The following NLRP13 variants were observed in gnomAD, a reference collection of about 807,000 sequenced individuals.
NLRP13 encodes NACHT, LRR and PYD domains-containing protein 13.
Under a neutral mutation model 94.4 loss-of-function variants are expected in NLRP13, and 82 were observed. The observed-to-expected ratio is 0.87, with a 90% CI of 0.73 to 1.04. NLRP13 has a LOEUF of 1.04. Ranked by LOEUF, NLRP13 falls within the 50% of genes least tolerant of loss-of-function variation. The pLI, the probability that NLRP13 is intolerant of heterozygous loss-of-function variation, is 0.00. For synonymous variants in NLRP13, 553 were observed against 464.7 expected (o/e 1.19, Z -2.45); for missense variants, 1,426 against 1,230.8 (o/e 1.16, Z -2.37).
downstream of NLRP13, chr19:55,891,787 A>T: frequency 3.1e-6 from 1 of 317,622 alleles, no homozygotes; most frequent in Non-Finnish European, 5.7e-6. Context: ...AGGCACAGCC[A>T]ACTTATGATC....
chr19:55,901,563 AAG>A (rs1276008702), intron 9 of NLRP13, among the ~76,000 whole-genome samples: 5 of 152,188 alleles, frequency 3.3e-5, no homozygotes, highest in African/African-American at 1.2e-4. Flanking sequence ...GGCAGAAAGA[AAG>A]AGAAGGAAAG....
intron 4 of NLRP13, among the ~76,000 whole-genome samples, chr19:55,917,254 A>G (rs1369315428): frequency 6.6e-6 from 1 of 152,140 alleles, no homozygotes; most frequent in Non-Finnish European, 1.5e-5. Flanking sequence ...GATACTTGCC[A>G]TCACAAAAAC....
At chr19:55,904,654 G>GT (rs773281613) in intron 8 of NLRP13, among the ~76,000 whole-genome samples, 14 of 152,074 alleles carry the variant, frequency 9.2e-5, no homozygotes, top group Non-Finnish European at 1.6e-4. Context: ...CCCCAGCCTT[G>GT]AGGCCTTGTT....
At chr19:55,910,872 G>A (rs1001988819) in intron 5 of NLRP13, 139 bp from the exon 6 acceptor site, 13 of 655,398 alleles carry the variant, frequency 2.0e-5, no homozygotes, top group Non-Finnish European at 2.7e-5. Context: ...AGTGGCTCAC[G>A]CCTGTAATCC....
intron 7 of NLRP13, among the ~76,000 whole-genome samples, chr19:55,906,171 G>A (rs1038709922): frequency 9.9e-5 from 15 of 151,782 alleles, no homozygotes; most frequent in Non-Finnish European, 8.8e-5. Context: ...AACCCCATCT[G>A]TACTAAAATT....
intron 7 of NLRP13, among the ~76,000 whole-genome samples, chr19:55,907,149 G>A (rs567426044): frequency 1.1e-4 from 17 of 151,948 alleles, no homozygotes; most frequent in Admixed American, 4.6e-4. Context: ...TAGTAGAGAC[G>A]GGGTTTCACC....
Position 55,923,966 on chromosome 19 carries a change from G to A in NLRP13, c.471C>T (p.Ala157=), listed in dbSNP as rs766218061. 8.1e-6 allele frequency: 13 copies of A among 1,613,430 alleles called. No homozygotes were observed. The highest frequency in any genetic ancestry group is 1.1e-5 in the Non-Finnish European group (13 of 1,179,624). The change falls in exon 4 of 11, where the codon GCC becomes GCT. Residue 157 remains alanine, a synonymous_variant. Coordinates refer to ENST00000342929, the MANE Select transcript of NLRP13 (RefSeq NM_176810.2). ...ELEEETGNVQ[A]QGCQDPNQEE... is the part of the protein sequence containing the mutation. ...CTTGGTTTGGATCTTGGCATCCCTG[G>A]GCCTGTACATTCCCTGAAATAAACA...
At position 55,912,305 on chromosome 19, in the gene NLRP13, C is replaced by T; in HGVS notation, c.1512G>A (p.Glu504=). Residue 504 remains glutamate, a synonymous_variant, in exon 5 of 11, where the codon GAG becomes GAA. Coordinates refer to ENST00000342929, the MANE Select transcript of NLRP13 (RefSeq NM_176810.2). Reference sequence around the variant, plus strand: ...TGAAAGGCACTTCCAGGCCCTCGATCTCAGTGTCTTCTTTGTTAAACGTGA... The same window carrying T: ...TGAAAGGCACTTCCAGGCCCTCGATTTCAGTGTCTTCTTTGTTAAACGTGA... ...MNFTFNKEDT[E]IEGLEVPFID... is the part of the protein sequence containing the mutation. The T allele has an allele frequency of 6.2e-7, 1 of 1,614,126 alleles. No homozygotes were observed. The highest frequency in any genetic ancestry group is 2.2e-5 in the East Asian group (1 of 44,876).
chr19:55,923,714 G>A (rs992605627), intron 4 of NLRP13, among the ~76,000 whole-genome samples, 200 bp downstream of exon 4: 5 of 152,106 alleles, frequency 3.3e-5, no homozygotes, highest in South Asian at 2.1e-4. Context: ...TTTTTCATTC[G>A]TTGTTCGGCC....
At chr19:55,898,708 A>G (rs1182372019) in intron 10 of NLRP13, 62 bp downstream of exon 10, 2 of 1,483,680 alleles carry the variant, frequency 1.3e-6, no homozygotes, top group Non-Finnish European at 1.8e-6. Flanking sequence ...GGATCCGATC[A>G]TATCTCCCCA....
At position 55,907,899 on chromosome 19, in the gene NLRP13, A is replaced by T; in HGVS notation, c.2340T>A (p.Gly780=). ...VLQDLIIALQ[G]NSKLTHLNFS... is the part of the protein sequence containing the mutation. ...AGTTCAGATGGGTCAGCTTGCTGTT[A>T]CCCTGAAGGGCAATAATGAGGTCCT... Residue 780 remains glycine, a synonymous_variant, in exon 7 of 11, where the codon GGT becomes GGA. Coordinates refer to ENST00000342929, the MANE Select transcript of NLRP13 (RefSeq NM_176810.2). 2.5e-6 allele frequency: 4 copies of T among 1,613,410 alleles called. No individual in the cohort carries two copies. The highest frequency in any genetic ancestry group is 3.4e-6 in the Non-Finnish European group (4 of 1,179,646).
chr19:55,913,319 A>G, intron 4 of NLRP13, 26 bp from the exon 5 acceptor site: 1 of 1,592,870 alleles, frequency 6.3e-7, no homozygotes, highest in South Asian at 1.1e-5. Flanking sequence ...TGGGGAGAAG[A>G]ATGGTAAGAA....
intron 1 of NLRP13, among the ~76,000 whole-genome samples, chr19:55,927,735 G>A (rs763543298): frequency 6.6e-6 from 1 of 152,156 alleles, no homozygotes; most frequent in Non-Finnish European, 1.5e-5. Flanking sequence ...TGCCTTCTAA[G>A]CATTTCACTC....
intron 1 of NLRP13, among the ~76,000 whole-genome samples, chr19:55,927,800 G>A (rs961721050): frequency 1.5e-4 from 23 of 152,158 alleles, no homozygotes; most frequent in African/African-American, 5.6e-4. Context: ...TTGTGGCCCC[G>A]TGGTAAAAAT....
chr19:55,912,123 T>C lies in NLRP13; in HGVS notation c.1694A>G (p.Glu565Gly), dbSNP rs1368454343. ...GACGTGTTGCAGTAACATCTTCATC[T>C]CTTGTGGCTTTGTGGAATGGGGAGG... ...EFPPHSTKPQEMKMLLQHVLL... is the reference protein window; with the variant it reads ...EFPPHSTKPQGMKMLLQHVLL... Residue 565 changes from glutamate (E) to glycine (G), a missense_variant, in exon 5 of 11, where the codon GAG becomes GGG. Glu to Gly is a moderately conservative substitution (Grantham distance 98). Coordinates refer to ENST00000342929, the MANE Select transcript of NLRP13 (RefSeq NM_176810.2). The C allele has an allele frequency of 6.2e-7, 1 of 1,614,190 alleles. No individual in the cohort carries two copies. Among genetic ancestry groups the C allele is most frequent in the Admixed American group, 1.7e-5 (1 of 60,028 alleles).
Position 55,912,203 on chromosome 19 carries a change from A to T in NLRP13, c.1614T>A (p.Ser538Arg), listed in dbSNP as rs1230857041. ...CGGCTTFTHLSFQEFFAAMSF... is the reference protein window; with the variant it reads ...CGGCTTFTHLRFQEFFAAMSF... ...ACATGGCTGCAAAAAACTCCTGGAAACTTAGGTGGGTGAAAGTAGTGCAAC... is the reference window on the plus strand; with the variant it reads ...ACATGGCTGCAAAAAACTCCTGGAATCTTAGGTGGGTGAAAGTAGTGCAAC... Residue 538 changes from serine to arginine, a missense_variant, in exon 5 of 11, where the codon AGT becomes AGA. By Grantham distance (110) the Ser-to-Arg change is moderately radical (BLOSUM62 -1). Coordinates refer to ENST00000342929, the MANE Select transcript of NLRP13 (RefSeq NM_176810.2). The T allele has an allele frequency of 1.9e-5, 30 of 1,614,048 alleles. No homozygotes were observed. The highest frequency in any genetic ancestry group is 2.5e-5 in the Non-Finnish European group (30 of 1,180,030).
intron 1 of NLRP13, among the ~76,000 whole-genome samples, chr19:55,927,936 T>A (rs402346): frequency 6.6e-6 from 1 of 151,954 alleles, no homozygotes; most frequent in South Asian, 2.1e-4. Flanking sequence ...GTATACACAG[T>A]TGTGTCCGCA....
chr19:55,905,147 C>A, intron 7 of NLRP13, 35 bp from the exon 8 acceptor site: 1 of 1,609,940 alleles, frequency 6.2e-7, no homozygotes, highest in Non-Finnish European at 8.5e-7. Context: ...GAGCCTCAGC[C>A]ATGATGCCCA....
At chr19:55,927,456 T>TA (rs10707874) in intron 1 of NLRP13, among the ~76,000 whole-genome samples, 239 of 144,880 alleles carry the variant, frequency 1.6e-3, no homozygotes, top group Middle Eastern at 0.011. Flanking sequence ...TCTAATTCCT[T>TA]AAAAAAAAAA....
Sources: gnomAD v4.1 joint callset for allele counts (sites outside exome capture counted in the v4.1 genomes callset) on GRCh38, gnomAD v4.1.1 for gene constraint, MANE v1.5 for transcripts, NCBI Gene and HGNC (gene_info 2026-07-23, HGNC 2026-07-21) for gene names.